The following PRKAR1A variants were observed in gnomAD, a reference collection of about 807,000 sequenced individuals.
The protein encoded by PRKAR1A is protein kinase cAMP-dependent type I regulatory subunit alpha, also known as cAMP-dependent protein kinase type I-alpha regulatory subunit.
A neutral mutation model predicts 52.0 loss-of-function variants in PRKAR1A; 3 were observed. That is an observed-to-expected ratio of 0.06 (90% confidence interval 0.03 to 0.15). The LOEUF (loss-of-function observed/expected upper bound fraction) is 0.15, where lower values mean the gene tolerates loss of function less well. Ranked by LOEUF, PRKAR1A falls within the 10% of genes least tolerant of loss-of-function variation. PRKAR1A has a pLI of 1.00. For missense variants in PRKAR1A, 240 were observed against 477.4 expected (o/e 0.50, Z 4.63); for synonymous variants, 188 against 168.4 (o/e 1.12, Z -0.90).
At chr17:68,550,382 T>C (rs2086779794) in intron 11 of PRKAR1A, among the ~76,000 whole-genome samples, 1 of 135,842 alleles carries the variant, frequency 7.4e-6, no homozygotes, top group East Asian at 2.2e-4. Flanking sequence ...TTTTTTTTTT[T>C]TTTTTTTTTT....
At chr17:68,426,038 A>G in the PRKAR1A span, 1 of 1,580,102 alleles carries the variant, frequency 6.3e-7, no homozygotes, top group East Asian at 2.2e-5. Context: ...CTAAGCACAC[A>G]GACTGAGCCG....
At chr17:68,481,603 T>C in the PRKAR1A span, among the ~76,000 whole-genome samples, 1 of 152,230 alleles carries the variant, frequency 6.6e-6, no homozygotes, top group Non-Finnish European at 1.5e-5. Context: ...TAGCCCAGGG[T>C]TGGGTACCCC....
chr17:68,543,139 C>A (rs1432159756), intron 11 of PRKAR1A, among the ~76,000 whole-genome samples: 1 of 152,110 alleles, frequency 6.6e-6, no homozygotes, highest in Non-Finnish European at 1.5e-5. Flanking sequence ...TGTTCAAATA[C>A]AGGGTCTGAT....
rs1316849196 is a variant in PRKAR1A, at chr17:68,531,057, G to A, written c.*608G>A. The A allele has an allele frequency of 2.8e-6, 3 of 1,066,960 alleles. No homozygotes were observed. The highest frequency in any genetic ancestry group is 3.4e-6 in the Non-Finnish European group (3 of 881,202). 66.1% of individuals were successfully genotyped at this position (1,066,960 alleles called of 1,614,324 possible). On this transcript the variant is annotated 3_prime_UTR_variant, in exon 11 of 11. Coordinates refer to ENST00000589228, the MANE Select transcript of PRKAR1A (RefSeq NM_002734.5). ...TTTTTCCAGAGTTGTTGTTTGCCAAGCTAATCTGCCTGGTTTTATTTATAT... is the reference window on the plus strand; with the variant it reads ...TTTTTCCAGAGTTGTTGTTTGCCAAACTAATCTGCCTGGTTTTATTTATAT...
chr17:68,414,739 A>C, the PRKAR1A span, among the ~76,000 whole-genome samples: 1 of 152,134 alleles, frequency 6.6e-6, no homozygotes, highest in Admixed American at 6.5e-5. Flanking sequence ...CAGGGTATCT[A>C]ATTCTTCCTG....
rs577210974 is a variant in PRKAR1A, at chr17:68,530,630, C to T, written c.*181C>T. The T allele has an allele frequency of 1.3e-6, 2 of 1,510,014 alleles. No individual in the cohort carries two copies. The highest frequency in any genetic ancestry group is 1.2e-5 in the South Asian group (1 of 80,226). 93.5% of individuals were successfully genotyped at this position (1,510,014 alleles called of 1,614,324 possible). On this transcript the variant is annotated 3_prime_UTR_variant, in exon 11 of 11. Coordinates refer to ENST00000589228, the MANE Select transcript of PRKAR1A (RefSeq NM_002734.5). ...CAATTTGGAGCATTAACTAAATGCT[C>T]ATACACAGTTAAATAAATAGAAAGA...
At chr17:68,474,078 C>T in the PRKAR1A span, among the ~76,000 whole-genome samples, 1 of 152,158 alleles carries the variant, frequency 6.6e-6, no homozygotes, top group African/African-American at 2.4e-5. Flanking sequence ...ATAAGATCTT[C>T]ATACTCAGTT....
Position 68,531,898 on chromosome 17 carries a change from A to G in PRKAR1A, c.*1449A>G, listed in dbSNP as rs2085986038. Reference sequence around the variant, plus strand: ...TTGTGATTTATATATAAGGTAATGTAGGGTTATATTTGGGAGTGACTGCAA... The same window carrying G: ...TTGTGATTTATATATAAGGTAATGTGGGGTTATATTTGGGAGTGACTGCAA... On this transcript the variant is annotated 3_prime_UTR_variant, in exon 11 of 11. Coordinates refer to ENST00000589228, the MANE Select transcript of PRKAR1A (RefSeq NM_002734.5). 2 of 1,051,120 alleles carry G rather than the reference A, an allele frequency of 1.9e-6. No homozygotes were observed. The highest frequency in any genetic ancestry group is 2.3e-6 in the Non-Finnish European group (2 of 865,974). The allele number at this position is 1,051,120 out of a possible 1,614,324, so 65.1% of individuals were successfully genotyped here. A position where few individuals can be genotyped will look rare whatever the true frequency, so the allele number is the denominator to read the frequency against.
At chr17:68,454,990 C>T in the PRKAR1A span, among the ~76,000 whole-genome samples, 1 of 152,154 alleles carries the variant, frequency 6.6e-6, no homozygotes, top group Non-Finnish European at 1.5e-5. Flanking sequence ...TAAAGTCTTT[C>T]TGTAGAAACA....
intron 8 of PRKAR1A, chr17:68,528,638 AAATT>A (rs2085866691): frequency 1.8e-6 from 1 of 569,916 alleles, no homozygotes; most frequent in Admixed American, 3.1e-5. Flanking sequence ...CAGTTGGTAT[AAATT>A]AACCTAGCCA....
chr17:68,517,449 C>A (rs999666363), intron 2 of PRKAR1A, among the ~76,000 whole-genome samples: 6 of 152,162 alleles, frequency 3.9e-5, no homozygotes, highest in African/African-American at 1.4e-4. Flanking sequence ...AGGAAACTTA[C>A]AATCATGGCA....
chr17:68,457,439 AAGCC>A, the PRKAR1A span: 1 of 416,338 alleles, frequency 2.4e-6, no homozygotes, highest in South Asian at 5.0e-5. Context: ...TCGGCCCGGG[AAGCC>A]GCAGCTCGGA....
chr17:68,445,165 C>A, the PRKAR1A span, among the ~76,000 whole-genome samples: 1 of 152,120 alleles, frequency 6.6e-6, no homozygotes, highest in Non-Finnish European at 1.5e-5. Flanking sequence ...GGTGATCTGC[C>A]CGCCTCGGCC....
the PRKAR1A span, among the ~76,000 whole-genome samples, chr17:68,485,296 G>C: frequency 2.0e-5 from 3 of 152,186 alleles, no homozygotes; most frequent in Admixed American, 6.5e-5. Flanking sequence ...CCTAAAATGA[G>C]CTAATATTGG....
At chr17:68,538,321 C>G (rs1239524321), downstream of PRKAR1A, among the ~76,000 whole-genome samples, 1 of 152,212 alleles carries the variant, frequency 6.6e-6, no homozygotes, top group Non-Finnish European at 1.5e-5. Context: ...AGGTACTGCT[C>G]ATCCAGTCCT....
chr17:68,417,639 A>C, the PRKAR1A span, among the ~76,000 whole-genome samples: 1 of 138,756 alleles, frequency 7.2e-6, no homozygotes, highest in Non-Finnish European at 1.5e-5. Flanking sequence ...TTAAGTTGTG[A>C]TTGTTTCTAT....
the PRKAR1A span, chr17:68,450,963 T>A: frequency 3.2e-6 from 5 of 1,553,812 alleles, no homozygotes; most frequent in South Asian, 5.0e-5. Context: ...CCAGCCTCCA[T>A]GACACTGGGC....
At chr17:68,536,305 T>C (rs1198735140), downstream of PRKAR1A, 1 of 454,076 alleles carries the variant, frequency 2.2e-6, no homozygotes, top group Admixed American at 2.3e-5. Context: ...AATGAGGCAT[T>C]TTTACTTTTG....
chr17:68,424,258 A>G, the PRKAR1A span, among the ~76,000 whole-genome samples: 40 of 152,156 alleles, frequency 2.6e-4, no homozygotes, highest in Non-Finnish European at 5.4e-4. Flanking sequence ...CAACCTGCCT[A>G]TTGAAAGCCA....
Sources: gnomAD v4.1 joint callset for allele counts (sites outside exome capture counted in the v4.1 genomes callset) on GRCh38, gnomAD v4.1.1 for gene constraint, MANE v1.5 for transcripts, NCBI Gene and HGNC (gene_info 2026-07-23, HGNC 2026-07-21) for gene names.